PADI1: variants seen among roughly 807,000 people sequenced by gnomAD.
PADI1 encodes the protein protein-arginine deiminase type-1.
In PADI1, 65 loss-of-function variants were observed where a neutral mutation model predicts 74.8. The observed-to-expected ratio is 0.87, with a 90% CI of 0.71 to 1.07. PADI1 has a LOEUF of 1.07. PADI1 is among the 50% of genes least tolerant of loss of function. The pLI is 0.00. For missense variants in PADI1, 943 were observed against 854.0 expected (o/e 1.10, Z -1.30); for synonymous variants, 371 against 336.2 (o/e 1.10, Z -1.13).
rs546470322 is a variant in PADI1, at chr1:17,225,839, A to G, written c.437A>G (p.Tyr146Cys). Residue 146 changes from tyrosine (Y) to cysteine (C), a missense_variant, in exon 5 of 16, where the codon TAT becomes TGT. Tyr to Cys is a radical substitution (Grantham distance 194, BLOSUM62 -2). Transcript: ENST00000375471. Reference sequence around the variant, plus strand: ...ACCTGGCGCTGGGGCCCTGAGGGCTATGGGGCTATCTTGCTGGTGAACTGT... The same window carrying G: ...ACCTGGCGCTGGGGCCCTGAGGGCTGTGGGGCTATCTTGCTGGTGAACTGT... Reference protein sequence around the residue: ...KKTWRWGPEGYGAILLVNCDR... With the variant: ...KKTWRWGPEGCGAILLVNCDR... 4.3e-6 allele frequency: 7 copies of G among 1,614,114 alleles called. No individual in the cohort carries two copies. Among genetic ancestry groups the G allele is most frequent in the African/African-American group, 2.7e-5 (2 of 75,044 alleles).
Position 17,224,364 on chromosome 1 carries a change from C to A in PADI1, c.347-3C>A, listed in dbSNP as rs760535102. The A allele has an allele frequency of 1.9e-6, 3 of 1,613,306 alleles. No individual in the cohort carries two copies. The South Asian group carries it at 3.3e-5, about 18-fold the overall frequency. On this transcript the variant is annotated splice_polypyrimidine_tract_variant and splice_region_variant and intron_variant, in intron 3 of 15. Coordinates refer to ENST00000375471, the MANE Select transcript of PADI1 (RefSeq NM_013358.3). ...CTGGCAGCCCCTCTCCATCTCTTTGCAGATATTTCCCTTGAGGTTGACACA... is the reference window on the plus strand; with the variant it reads ...CTGGCAGCCCCTCTCCATCTCTTTGAAGATATTTCCCTTGAGGTTGACACA...
chr1:17,225,790 A>G, intron 4 of PADI1, 21 bp from the exon 5 acceptor site: 1 of 1,595,926 alleles, frequency 6.3e-7, no homozygotes, highest in East Asian at 2.2e-5. Flanking sequence ...ACTGATCCCA[A>G]GGCATCTTAT....
chr1:17,215,181 C>T (rs997667907), intron 1 of PADI1, among the ~76,000 whole-genome samples: 2 of 152,128 alleles, frequency 1.3e-5, no homozygotes, highest in Non-Finnish European at 2.9e-5. Flanking sequence ...AGGCACTGCC[C>T]ACTCATCTGT....
Position 17,222,370 on chromosome 1 carries a change from G to GT in PADI1, c.174dup (p.Val59CysfsTer15), listed in dbSNP as rs1557461283. The GT allele has an allele frequency of 3.1e-6, 5 of 1,613,990 alleles. No individual in the cohort carries two copies. The Admixed American group carries it at 8.3e-5, about 27-fold the overall frequency. On this transcript the variant is annotated frameshift_variant, in exon 2 of 16. Coordinates refer to ENST00000375471, the MANE Select transcript of PADI1 (RefSeq NM_013358.3). LOFTEE classifies it high-confidence loss of function. ...GTCTTCATGGTCTACAACCGCACAC[G>GT]TGTGAAAGAGCCCATAGGCAAGGCC...
In PADI1 at chr1:17,233,003, A is replaced by G. The variant is rs779778940; in HGVS notation, c.1313+33A>G. 7.0e-6 allele frequency: 11 copies of G among 1,563,478 alleles called. No individual in the cohort carries two copies. In the Admixed American group the frequency reaches 1.8e-4, roughly 26 times the overall value. The stretch of plus-strand genomic sequence containing the variant: ...GCTGGGGCGGGAGGTGGGGAGGCAC[A>G]AGGGAATGACTGCAGCATCCACCCT... On this transcript the variant is annotated intron_variant, in intron 11 of 15. Coordinates refer to ENST00000375471, the MANE Select transcript of PADI1 (RefSeq NM_013358.3).
chr1:17,236,776 G>GAGAAAGAA (rs926869296), intron 11 of PADI1, among the ~76,000 whole-genome samples: 1 of 150,642 alleles, frequency 6.6e-6, no homozygotes, highest in Non-Finnish European at 1.5e-5. Flanking sequence ...AAAAGAGAGA[G>GAGAAAGAA]AGAAAGAAAG....
intron 13 of PADI1, 95 bp downstream of exon 13, chr1:17,238,804 C>A: frequency 1.8e-6 from 1 of 554,370 alleles, no homozygotes; most frequent in Non-Finnish European, 2.9e-6. Flanking sequence ...CTCAGCTGGA[C>A]TCAGAACCCA....
At chr1:17,221,727 C>A (rs536216241) in intron 1 of PADI1, among the ~76,000 whole-genome samples, 1 of 152,026 alleles carries the variant, frequency 6.6e-6, no homozygotes, top group Non-Finnish European at 1.5e-5. Flanking sequence ...GGAAGGCCAG[C>A]GTGGCTGGAG....
intron 15 of PADI1, among the ~76,000 whole-genome samples, chr1:17,242,962 G>A (rs929186895): frequency 2.0e-5 from 3 of 152,186 alleles, no homozygotes; most frequent in Non-Finnish European, 4.4e-5. Context: ...AAGGCCAGGG[G>A]ACTGACCTCA....
intron 1 of PADI1, among the ~76,000 whole-genome samples, chr1:17,213,883 AC>A (rs1214276155): frequency 2.0e-5 from 3 of 152,054 alleles, no homozygotes; most frequent in African/African-American, 7.2e-5. Context: ...CTAAGAATTC[AC>A]CCCATTCTGC....
rs779059447 is a variant in PADI1, at chr1:17,244,246, C to T, written c.*3C>T. On this transcript the variant is annotated 3_prime_UTR_variant, in exon 16 of 16. Transcript: ENST00000375471. ...AATGGTGGAACATGGTGCCCTGAGC[C>T]TGCCCCCACCCGCCATCCTCTCTGC... is the stretch of plus-strand genomic sequence containing the variant. 4.4e-6 allele frequency: 7 copies of T among 1,607,696 alleles called. No individual in the cohort carries two copies. Among genetic ancestry groups the T allele is most frequent in the Non-Finnish European group, 6.0e-6 (7 of 1,174,148 alleles).
intron 2 of PADI1, 46 bp downstream of exon 2, chr1:17,222,516 C>T (rs2072186693): frequency 6.8e-7 from 1 of 1,461,930 alleles, no homozygotes; most frequent in Non-Finnish European, 9.6e-7. Context: ...CTCTCCACCC[C>T]CATCCAAGGT....
At chr1:17,231,925 T>TA (rs957537656) in intron 10 of PADI1, among the ~76,000 whole-genome samples, 7 of 145,118 alleles carry the variant, frequency 4.8e-5, no homozygotes, top group Non-Finnish European at 6.0e-5. Context: ...TTTCTCTTCC[T>TA]AAAAAAAACA....
chr1:17,241,093 G>A (rs2072766876), intron 15 of PADI1, among the ~76,000 whole-genome samples: 1 of 152,194 alleles, frequency 6.6e-6, no homozygotes, highest in South Asian at 2.1e-4. Context: ...GCGTGGTTTG[G>A]TTCCAAGTGT....
intron 1 of PADI1, among the ~76,000 whole-genome samples, chr1:17,218,630 G>A (rs886275288): frequency 3.3e-5 from 5 of 152,240 alleles, no homozygotes; most frequent in African/African-American, 1.2e-4. Context: ...TGGGAGGAAA[G>A]GCTGATTAGA....
chr1:17,207,159 G>A (rs2071707386), intron 1 of PADI1, among the ~76,000 whole-genome samples: 1 of 152,192 alleles, frequency 6.6e-6, no homozygotes, highest in Non-Finnish European at 1.5e-5. Flanking sequence ...ACACTGTGCT[G>A]CTAAGGCCAG....
chr1:17,215,074 C>T (rs1239641822), intron 1 of PADI1, among the ~76,000 whole-genome samples: 1 of 152,172 alleles, frequency 6.6e-6, no homozygotes, highest in African/African-American at 2.4e-5. Flanking sequence ...CTAGAATAGG[C>T]CCCTCCCCAT....
chr1:17,225,871 G>T lies in PADI1; in HGVS notation c.469G>T (p.Asp157Tyr). Reference sequence around the variant, plus strand: ...TATCTTGCTGGTGAACTGTGACCGGGACAATCACAGGTCCGCAGAGCCTGA... The same window carrying T: ...TATCTTGCTGGTGAACTGTGACCGGTACAATCACAGGTCCGCAGAGCCTGA... Reference protein sequence around the residue: ...GAILLVNCDRDNHRSAEPDLT... With the variant: ...GAILLVNCDRYNHRSAEPDLT... The change falls in exon 5 of 16, where the codon GAC (aspartate) becomes TAC (tyrosine). Residue 157 changes from aspartate (D) to tyrosine (Y), a missense_variant. Physicochemically the swap from Asp to Tyr is radical, Grantham distance 160. Coordinates refer to ENST00000375471, the MANE Select transcript of PADI1 (RefSeq NM_013358.3). The T allele has an allele frequency of 6.2e-7, 1 of 1,614,106 alleles. No individual in the cohort carries two copies. The highest frequency in any genetic ancestry group is 1.1e-5 in the South Asian group (1 of 91,084).
chr1:17,213,075 A>C (rs555437809), intron 1 of PADI1, among the ~76,000 whole-genome samples: 2 of 152,124 alleles, frequency 1.3e-5, no homozygotes, highest in African/African-American at 2.4e-5. Flanking sequence ...GCACACACGC[A>C]CTCATTTTAA....
Sources: allele counts gnomAD v4.1 joint callset (sites outside exome capture counted in the v4.1 genomes callset), GRCh38; gene constraint gnomAD v4.1.1; transcripts MANE v1.5; gene names NCBI Gene and HGNC (gene_info 2026-07-23, HGNC 2026-07-21).